Variants in SRPK2 observed in about 807,000 individuals in gnomAD.
SRPK2 encodes the protein SFRS protein kinase 2.
A neutral mutation model predicts 90.8 loss-of-function variants in SRPK2; 21 were observed. That is an observed-to-expected ratio of 0.23 (90% CI 0.16 to 0.33). SRPK2 has a LOEUF of 0.33. Ranked by LOEUF, SRPK2 falls within the 10% of genes least tolerant of loss-of-function variation. SRPK2 has a pLI of 1.00. For missense variants in SRPK2, 620 were observed against 869.0 expected (o/e 0.71, Z 3.60); for synonymous variants, 288 against 311.1 (o/e 0.93, Z 0.78).
Position 105,170,786 on chromosome 7 carries a change from A to AAGGAC in SRPK2, c.230-1522_230-1521insGTCCT, listed in dbSNP as rs1554435294. 1.5e-4 allele frequency among the ~76,000 whole-genome samples: 10 copies of AAGGAC among 67,618 alleles called. 1 individual carries two copies. Among genetic ancestry groups the AAGGAC allele is most frequent in the African/African-American group, 3.4e-4 (5 of 14,520 alleles). 44.4% of individuals were successfully genotyped at this position (67,618 alleles called of 152,430 possible). A position where few individuals can be genotyped will look rare whatever the true frequency, so the allele number is the denominator to read the frequency against. On this transcript the variant is annotated intron_variant, in intron 3 of 15. Transcript: ENST00000393651. ...AAGGAAGGAAGGAAGGAAGGACGGG[A>AAGGAC]GGGAGGGAGGGAGGGAGGGAGAGAG...
At chr7:105,361,869 A>AC (rs1818463034) in intron 2 of SRPK2, among the ~76,000 whole-genome samples, 1 of 152,140 alleles carries the variant, frequency 6.6e-6, no homozygotes, top group Admixed American at 6.6e-5. Context: ...AACCATAAAA[A>AC]CCCTAGGAAG....
chr7:105,159,951 T>C (rs966846925), intron 7 of SRPK2, among the ~76,000 whole-genome samples: 1 of 152,226 alleles, frequency 6.6e-6, no homozygotes, highest in African/African-American at 2.4e-5. Context: ...GTATGACATA[T>C]AGACTCTGTG....
At chr7:105,122,148 C>T (rs931824822) in intron 15 of SRPK2, among the ~76,000 whole-genome samples, 2 of 152,134 alleles carry the variant, frequency 1.3e-5, no homozygotes, top group Non-Finnish European at 2.9e-5. Context: ...ACATCCCATA[C>T]AAAAATCAAC....
intron 6 of SRPK2, among the ~76,000 whole-genome samples, chr7:105,166,686 T>C (rs967930599): frequency 6.6e-6 from 1 of 152,234 alleles, no homozygotes; most frequent in Admixed American, 6.5e-5. Context: ...TTATGTCAGA[T>C]TTATCAAGGA....
At chr7:105,215,975 G>C (rs1394208672) in intron 2 of SRPK2, among the ~76,000 whole-genome samples, 1 of 151,176 alleles carries the variant, frequency 6.6e-6, no homozygotes, top group Non-Finnish European at 1.5e-5. Flanking sequence ...ATAATCACTT[G>C]AGCTCAGGAG....
At chr7:105,349,705 AAAGAGTAAATAGC>A (rs1385297046) in intron 2 of SRPK2, among the ~76,000 whole-genome samples, 1 of 152,154 alleles carries the variant, frequency 6.6e-6, no homozygotes, top group Non-Finnish European at 1.5e-5. Flanking sequence ...AGCAGGAAGA[AAAGAGTAAATAGC>A]AAAGTTACTA....
intron 2 of SRPK2, among the ~76,000 whole-genome samples, chr7:105,232,824 C>A (rs1489409218): frequency 6.6e-6 from 1 of 151,976 alleles, no homozygotes; most frequent in African/African-American, 2.4e-5. Flanking sequence ...ACCATCCTGG[C>A]CAACATGGTG....
intron 2 of SRPK2, among the ~76,000 whole-genome samples, chr7:105,213,914 A>G (rs1304597344): frequency 6.6e-6 from 1 of 152,234 alleles, no homozygotes; most frequent in Non-Finnish European, 1.5e-5. Flanking sequence ...AGGCATACAC[A>G]ACTACTAATA....
intron 7 of SRPK2, among the ~76,000 whole-genome samples, chr7:105,159,463 A>AAAAAAAAAAAAAAAAAAAAAAAAAC (rs1807153359): frequency 1.4e-5 from 2 of 146,522 alleles, no homozygotes; most frequent in African/African-American, 5.2e-5. Context: ...AAAAAAAAAA[A>AAAAAAAAAAAAAAAAAAAAAAAAAC]AAAAAAAAAA....
intron 2 of SRPK2, among the ~76,000 whole-genome samples, chr7:105,224,044 T>C (rs1331137333): frequency 6.6e-6 from 1 of 152,208 alleles, no homozygotes; most frequent in African/African-American, 2.4e-5. Context: ...TTTTAGTTTA[T>C]TTCATATGGA....
chr7:105,243,219 G>A (rs1177068981), intron 2 of SRPK2, among the ~76,000 whole-genome samples: 1 of 152,070 alleles, frequency 6.6e-6, no homozygotes, highest in African/African-American at 2.4e-5. Context: ...CCCCAGGCTT[G>A]TCTTAAACTC....
chr7:105,148,824 T>C (rs1805057733), intron 7 of SRPK2, among the ~76,000 whole-genome samples: 1 of 152,190 alleles, frequency 6.6e-6, no homozygotes, highest in African/African-American at 2.4e-5. Flanking sequence ...CAAAAACATG[T>C]GTTATATGAA....
intron 7 of SRPK2, among the ~76,000 whole-genome samples, chr7:105,157,779 G>A (rs1256895309): frequency 6.6e-6 from 1 of 152,138 alleles, no homozygotes; most frequent in Non-Finnish European, 1.5e-5. Flanking sequence ...TTACAGTGAG[G>A]ATAACACACG....
intron 3 of SRPK2, among the ~76,000 whole-genome samples, chr7:105,170,889 AAGAAAGAAAGAAAGAAAG>A (rs1790869341): frequency 1.5e-5 from 2 of 129,060 alleles, no homozygotes; most frequent in African/African-American, 2.9e-5. Context: ...GAAAGAAAGA[AAGAAAGAAAGAAAGAAAG>A]AAAGAAAGGA....
At chr7:105,180,942 C>A (rs1340677293) in intron 3 of SRPK2, among the ~76,000 whole-genome samples, 1 of 152,132 alleles carries the variant, frequency 6.6e-6, no homozygotes, top group South Asian at 2.1e-4. Context: ...AAACAACCTA[C>A]AGGATGGCAG....
downstream of SRPK2, chr7:105,115,624 A>C (rs2129570479): frequency 6.6e-6 from 1 of 152,316 alleles, no homozygotes; most frequent in South Asian, 2.1e-4. Flanking sequence ...AGCCGCCAAG[A>C]ATCTGATAAA....
intron 2 of SRPK2, among the ~76,000 whole-genome samples, chr7:105,373,691 C>A (rs532467849): frequency 1.2e-4 from 18 of 152,152 alleles, no homozygotes; most frequent in African/African-American, 4.3e-4. Flanking sequence ...ATGTGGGCCA[C>A]CGCGCCTGGC....
At position 105,384,323 on chromosome 7, in the gene SRPK2, C is replaced by T. The variant is rs1420266065; in HGVS notation, c.71+4325G>A. ...ATTAATAATAAGCAAACTAAACTCA[C>T]AGGACAATCTAACAGGATTAAAATT... On this transcript the variant is annotated intron_variant, in intron 2 of 15. Coordinates refer to ENST00000393651, the MANE Select transcript of SRPK2 (RefSeq NM_182692.3). Among the ~76,000 whole-genome samples the T allele has an allele frequency of 1.1e-4, 16 of 152,250 alleles. 1 individual carries two copies. In the South Asian group the frequency reaches 2.7e-3, roughly 26 times the overall value.
chr7:105,282,567 C>T (rs1020923690), intron 2 of SRPK2, among the ~76,000 whole-genome samples: 25 of 152,300 alleles, frequency 1.6e-4, no homozygotes, highest in Middle Eastern at 3.4e-3. Context: ...CATTGGGAGG[C>T]CAAGGTGGGC....
Sources: gnomAD v4.1 joint callset for allele counts (sites outside exome capture counted in the v4.1 genomes callset) on GRCh38, gnomAD v4.1.1 for gene constraint, MANE v1.5 for transcripts, NCBI Gene and HGNC (gene_info 2026-07-23, HGNC 2026-07-21) for gene names.